STRN: variants seen among roughly 807,000 people sequenced by gnomAD.
The protein encoded by STRN is striatin.
STRN carries 53 observed loss-of-function variants against 96.3 expected under a neutral mutation model. That is an observed-to-expected ratio of 0.55 (90% CI 0.44 to 0.69). The LOEUF is 0.69. Ranked by LOEUF, STRN falls within the 30% of genes least tolerant of loss-of-function variation. The probability of loss-of-function intolerance (pLI) is 0.00; values close to 1 mark genes in which losing one functional copy is unlikely to be tolerated. For missense variants in STRN, 987 were observed against 963.9 expected, an observed-to-expected ratio of 1.02 and a Z score of -0.32; for synonymous variants, 428 against 355.9, an observed-to-expected ratio of 1.20 and a Z score of -2.28.
At chr2:36,879,041 C>T (rs1396987861) in intron 9 of STRN, among the ~76,000 whole-genome samples, 2 of 151,918 alleles carry the variant, frequency 1.3e-5, no homozygotes, top group Non-Finnish European at 2.9e-5. Flanking sequence ...GCATGAGCCA[C>T]TGCACCCGGT....
chr2:36,942,913 G>A (rs540022086), intron 1 of STRN, among the ~76,000 whole-genome samples: 1 of 152,128 alleles, frequency 6.6e-6, no homozygotes, highest in South Asian at 2.1e-4. Flanking sequence ...CCAGGCTGGT[G>A]TCGAACTCCT....
At chr2:36,889,228 A>G (rs1001425565) in intron 7 of STRN, among the ~76,000 whole-genome samples, 1 of 152,202 alleles carries the variant, frequency 6.6e-6, no homozygotes, top group Non-Finnish European at 1.5e-5. Context: ...AGTGAATCAT[A>G]ATAAACAGAA....
In STRN at chr2:36,849,169, G is replaced by C. The variant is rs1237352092; in HGVS notation, c.*287C>G. On this transcript the variant is annotated 3_prime_UTR_variant, in exon 18 of 18. Transcript: ENST00000263918. ...GACAAGCTAAACTTGTATTCGCTCA[G>C]GCCTGCCTAGCGAATTAGAACCACC... The C allele has an allele frequency of 2.8e-6, 1 of 357,740 alleles. No individual in the cohort carries two copies. The highest frequency in any genetic ancestry group is 2.1e-5 in the African/African-American group (1 of 48,678). The allele number at this position is 357,740 out of a possible 1,614,324, so 22.2% of individuals were successfully genotyped here. A position where few individuals can be genotyped will look rare whatever the true frequency, so the allele number is the denominator to read the frequency against.
intron 9 of STRN, among the ~76,000 whole-genome samples, chr2:36,878,730 T>A (rs1001564075): frequency 6.6e-6 from 1 of 151,982 alleles, no homozygotes; most frequent in Admixed American, 6.6e-5. Flanking sequence ...CATCTAAAAT[T>A]TTTTTTTATT....
chr2:36,947,455 C>A, intron 1 of STRN, among the ~76,000 whole-genome samples: 1 of 151,432 alleles, frequency 6.6e-6, no homozygotes. Flanking sequence ...CATTTAACCA[C>A]TAAGTATATT....
At chr2:36,953,123 T>C (rs1056873728) in intron 1 of STRN, among the ~76,000 whole-genome samples, 2 of 152,206 alleles carry the variant, frequency 1.3e-5, no homozygotes, top group African/African-American at 2.4e-5. Flanking sequence ...TAATGAAACA[T>C]TCCCCCGGCC....
At chr2:36,899,018 G>A (rs1344951755) in intron 6 of STRN, among the ~76,000 whole-genome samples, 1 of 152,144 alleles carries the variant, frequency 6.6e-6, no homozygotes, top group Non-Finnish European at 1.5e-5. Flanking sequence ...CCAAGAACCT[G>A]CCATGGGAAA....
intron 12 of STRN, among the ~76,000 whole-genome samples, chr2:36,867,210 G>T (rs1178959318): frequency 6.6e-6 from 1 of 151,874 alleles, no homozygotes; most frequent in African/African-American, 2.4e-5. Flanking sequence ...CTTCGGCCAG[G>T]TGCCTGTAAT....
chr2:36,862,489 C>G (rs1668514141), intron 12 of STRN, among the ~76,000 whole-genome samples: 1 of 152,176 alleles, frequency 6.6e-6, no homozygotes, highest in Non-Finnish European at 1.5e-5. Flanking sequence ...ATTTGCATTT[C>G]TGTAATAATA....
At chr2:36,913,655 T>A (rs1670018610) in intron 3 of STRN, among the ~76,000 whole-genome samples, 1 of 152,230 alleles carries the variant, frequency 6.6e-6, no homozygotes, top group Admixed American at 6.5e-5. Context: ...ATTGTTGTCT[T>A]ATTCACTGGA....
intron 2 of STRN, 44 bp from the exon 3 acceptor site, chr2:36,916,195 T>G (rs775769062): frequency 1.4e-6 from 2 of 1,477,350 alleles, no homozygotes; most frequent in East Asian, 2.3e-5. Context: ...AAAATATGTT[T>G]AAATTAACAT....
chr2:36,934,637 T>C (rs899152434), intron 1 of STRN, among the ~76,000 whole-genome samples: 15 of 152,230 alleles, frequency 9.9e-5, no homozygotes, highest in African/African-American at 2.9e-4. Context: ...AGTCTTTATG[T>C]ATAAATTATG....
chr2:36,945,662 CAG>C (rs1670962499), intron 1 of STRN, among the ~76,000 whole-genome samples: 1 of 144,218 alleles, frequency 6.9e-6, no homozygotes, highest in Non-Finnish European at 1.5e-5. Flanking sequence ...AAGACTGTCT[CAG>C]AAAAAAAAAA....
Position 36,966,314 on chromosome 2 carries a change from C to T in STRN, c.150G>A (p.Pro50=), listed in dbSNP as rs896869637. The T allele has an allele frequency of 1.3e-6, 2 of 1,561,724 alleles. No homozygotes were observed. Among genetic ancestry groups the T allele is most frequent in the Non-Finnish European group, 8.6e-7 (1 of 1,156,566 alleles). The stretch of plus-strand genomic sequence containing the variant: ...CGTGCTGCAGGAAGTGCAGGATCCC[C>T]GGGAGACTGTACTGGGCTCGGGCCG... ...AGAARAQYSL[P]GILHFLQHEW... Residue 50 remains proline (P), a synonymous_variant, in exon 1 of 18, where the codon CCG becomes CCA. Transcript: ENST00000263918.
At chr2:36,954,179 C>T (rs1374212153) in intron 1 of STRN, among the ~76,000 whole-genome samples, 1 of 151,848 alleles carries the variant, frequency 6.6e-6, no homozygotes, top group African/African-American at 2.4e-5. Context: ...AATATATATA[C>T]AGAACTTAGT....
chr2:36,843,507 G>C lies in STRN; in HGVS notation c.*5949C>G, dbSNP rs1667995858. The C allele has an allele frequency of 1.3e-5, 2 of 152,092 alleles. No homozygotes were observed. The highest frequency in any genetic ancestry group is 2.9e-5 in the Non-Finnish European group (2 of 68,000). 9.4% of individuals were successfully genotyped at this position (152,092 alleles called of 1,614,324 possible). A position where few individuals can be genotyped will look rare whatever the true frequency, so the allele number is the denominator to read the frequency against. On this transcript the variant is annotated 3_prime_UTR_variant, in exon 18 of 18. Coordinates refer to ENST00000263918, the MANE Select transcript of STRN (RefSeq NM_003162.4). ...TAAAACCTATTCATTAAACATATGTGTCTCTGAAAGTACCACTGACCCAAT... is the reference window on the plus strand; with the variant it reads ...TAAAACCTATTCATTAAACATATGTCTCTCTGAAAGTACCACTGACCCAAT...
At chr2:36,910,189 A>AG (rs1371746238) in intron 3 of STRN, among the ~76,000 whole-genome samples, 1 of 141,162 alleles carries the variant, frequency 7.1e-6, no homozygotes, top group African/African-American at 2.6e-5. Flanking sequence ...AAAAAAAAAA[A>AG]AAAGACTTTT....
intron 1 of STRN, among the ~76,000 whole-genome samples, chr2:36,939,111 G>A (rs992216723): frequency 3.3e-5 from 5 of 151,816 alleles, no homozygotes; most frequent in African/African-American, 7.3e-5. Flanking sequence ...TCAGCCTCCC[G>A]AGTAGCTGGA....
At chr2:36,854,685 A>C (rs1039306559) in intron 15 of STRN, among the ~76,000 whole-genome samples, 2 of 152,206 alleles carry the variant, frequency 1.3e-5, no homozygotes, top group African/African-American at 4.8e-5. Context: ...GGCTAACGAC[A>C]GAAAGCAATG....
Sources: gnomAD v4.1 joint callset for allele counts (sites outside exome capture counted in the v4.1 genomes callset) on GRCh38, gnomAD v4.1.1 for gene constraint, MANE v1.5 for transcripts, NCBI Gene and HGNC (gene_info 2026-07-23, HGNC 2026-07-21) for gene names.